The following DNALI1 variants were observed in gnomAD, a reference collection of about 807,000 sequenced individuals.
DNALI1 encodes the protein axonemal dynein light intermediate polypeptide 1.
In DNALI1, 31 loss-of-function variants were observed where a neutral mutation model predicts 33.9. The ratio of observed to expected loss-of-function variants is 0.91; its 90% CI spans 0.69 to 1.23. The LOEUF (loss-of-function observed/expected upper bound fraction) is 1.23, where lower values mean the gene tolerates loss of function less well. Among genes scored for constraint, DNALI1 ranks in the 50% most tolerant of loss-of-function variants. The pLI is 0.00. For synonymous variants in DNALI1, 117 were observed against 129.2 expected, an observed-to-expected ratio of 0.91 and a Z score of 0.64; for missense variants, 305 against 323.8, an observed-to-expected ratio of 0.94 and a Z score of 0.44.
chr1:37,565,205 C>T lies in DNALI1; in HGVS notation c.*144C>T. 3.6e-6 allele frequency: 3 copies of T among 835,068 alleles called. No individual in the cohort carries two copies. Among genetic ancestry groups the T allele is most frequent in the East Asian group, 2.6e-5 (1 of 38,762 alleles). 51.7% of individuals were successfully genotyped at this position (835,068 alleles called of 1,614,324 possible). On this transcript the variant is annotated 3_prime_UTR_variant, in exon 6 of 6. Coordinates refer to ENST00000652629, the MANE Select transcript of DNALI1 (RefSeq NM_003462.5). ...AAGCCATAACCTCCCCTAAACACCACCTAGGTATTTGTTAGAAGTCACACT... is the reference window on the plus strand; with the variant it reads ...AAGCCATAACCTCCCCTAAACACCATCTAGGTATTTGTTAGAAGTCACACT...
chr1:37,562,460 C>T lies in DNALI1; in HGVS notation c.741+215C>T, dbSNP rs1570040451. 1.3e-5 allele frequency among the ~76,000 whole-genome samples: 2 copies of T among 152,204 alleles called. No homozygotes were observed. The highest frequency in any genetic ancestry group is 6.5e-5 in the Admixed American group (1 of 15,296). The stretch of plus-strand genomic sequence containing the variant: ...ATCTCTGAGGCGCCTCAGCCTGGCT[C>T]TCCAGTGGAGGATTCTTCTCCCTGG... On this transcript the variant is annotated intron_variant, in intron 5 of 5. Coordinates refer to ENST00000652629, the MANE Select transcript of DNALI1 (RefSeq NM_003462.5). The surrounding 1 kb of genome is among the most constrained non-coding windows in gnomAD (Gnocchi z 5.8).
Position 37,565,070 on chromosome 1 carries a change from A to G in DNALI1, c.*9A>G, listed in dbSNP as rs373705993. ...TTGCACCAAAGAAGTGATAATTTCC[A>G]CATGATTAATTTCCAACAAGACACT... On this transcript the variant is annotated 3_prime_UTR_variant, in exon 6 of 6. Transcript: ENST00000652629. 269 of 1,614,052 alleles carry G rather than the reference A, an allele frequency of 1.7e-4. No individual in the cohort carries two copies. The highest frequency in any genetic ancestry group is 2.2e-4 in the Non-Finnish European group (261 of 1,180,010).
Position 37,566,746 on chromosome 1 carries a change from C to T in DNALI1, c.*1685C>T. ...AGCACTGGTGAAGGGCTTCAACTGT[C>T]AAACCTCAGAACAAATGCATTAGGG... is the stretch of plus-strand genomic sequence containing the variant. On this transcript the variant is annotated 3_prime_UTR_variant, in exon 6 of 6. Coordinates refer to ENST00000652629, the MANE Select transcript of DNALI1 (RefSeq NM_003462.5). The T allele has an allele frequency of 2.0e-6, 2 of 1,025,590 alleles. No individual in the cohort carries two copies. Among genetic ancestry groups the T allele is most frequent in the Non-Finnish European group, 2.9e-6 (2 of 685,076 alleles). The allele number at this position is 1,025,590 out of a possible 1,614,324, so 63.5% of individuals were successfully genotyped here.
In DNALI1 at chr1:37,562,231, A is replaced by T; in HGVS notation, c.727A>T (p.Asn243Tyr). 1 of 1,613,190 alleles carries T rather than the reference A, an allele frequency of 6.2e-7. No homozygotes were observed. Among genetic ancestry groups the T allele is most frequent in the South Asian group, 1.1e-5 (1 of 90,960 alleles). ...GGAGATTCAGTTCCTGAAGCGAACAAATCAGCAGCTGAAGGTAATCAACGC... is the reference window on the plus strand; with the variant it reads ...GGAGATTCAGTTCCTGAAGCGAACATATCAGCAGCTGAAGGTAATCAACGC... ...NEEIQFLKRT[N>Y]QQLKAQLEGI... The change falls in exon 5 of 6, where the codon AAT (asparagine) becomes TAT (tyrosine). Residue 243 changes from asparagine (N) to tyrosine (Y), a missense_variant. Transcript: ENST00000652629. The surrounding 1 kb of genome is among the most constrained non-coding windows in gnomAD (Gnocchi z 5.8).
chr1:37,558,247 G>C (rs773866433), intron 2 of DNALI1: 1 of 152,176 alleles, frequency 6.6e-6, no homozygotes, highest in Admixed American at 6.6e-5. Context: ...CATTCTTTTG[G>C]CTCCACCTTC....
Position 37,566,678 on chromosome 1 carries a change from C to T in DNALI1, c.*1617C>T. 5 of 609,238 alleles carry T rather than the reference C, an allele frequency of 8.2e-6. No individual in the cohort carries two copies. The highest frequency in any genetic ancestry group is 1.4e-5 in the Non-Finnish European group (5 of 350,240). 37.7% of individuals were successfully genotyped at this position (609,238 alleles called of 1,614,324 possible). On this transcript the variant is annotated 3_prime_UTR_variant, in exon 6 of 6. Transcript: ENST00000652629. ...ACCTGAAGTGCTAGACTTTCAGACT[C>T]TTATCACTGAAATCCTTAAGGTTGA...
Position 37,557,049 on chromosome 1 carries a change from C to T in DNALI1, c.55C>T (p.Arg19Trp), listed in dbSNP as rs369173614. The T allele has an allele frequency of 6.2e-7, 1 of 1,614,054 alleles. No individual in the cohort carries two copies. The highest frequency in any genetic ancestry group is 1.3e-5 in the African/African-American group (1 of 74,908). The change falls in exon 1 of 6, where the codon CGG (arginine) becomes TGG (tryptophan). Residue 19 changes from arginine (R) to tryptophan (W), a missense_variant. Transcript: ENST00000652629. ...LKYDTPVLVSRNTEKRSPKAR... is the reference protein window; with the variant it reads ...LKYDTPVLVSWNTEKRSPKAR... ...GTACGACACCCCAGTGCTGGTGAGC[C>T]GGAACACGGAGAAACGGAGCCCCAA... is the stretch of plus-strand genomic sequence containing the variant.
Position 37,562,011 on chromosome 1 carries a change from C to T in DNALI1, c.577-70C>T, listed in dbSNP as rs1643445382. On this transcript the variant is annotated intron_variant, in intron 4 of 5. Transcript: ENST00000652629. This position sits in a 1 kb window ranked among gnomAD's most constrained non-coding sequence, Gnocchi z 5.8. ...CCTGGCAATGTCATGTCCCATGTCC[C>T]TTCCACCCAGGCTCACACCATTCCA... The T allele has an allele frequency of 2.5e-6, 4 of 1,603,692 alleles. No homozygotes were observed. The highest frequency in any genetic ancestry group is 3.4e-6 in the Non-Finnish European group (4 of 1,174,088).
At chr1:37,557,508 G>A in intron 1 of DNALI1, 95 bp from the exon 2 acceptor site, 1 of 1,483,398 alleles carries the variant, frequency 6.7e-7, no homozygotes. Flanking sequence ...AAGAGGGGAG[G>A]GCTGTGCAGA....
chr1:37,561,745 G>A lies in DNALI1; in HGVS notation c.576+10G>A. Reference sequence around the variant, plus strand: ...AGACATGGAGAGGAAAGTGAGTGGGGTTTACCGTGACCCTTGGTCCCATCT... The same window carrying A: ...AGACATGGAGAGGAAAGTGAGTGGGATTTACCGTGACCCTTGGTCCCATCT... On this transcript the variant is annotated intron_variant, in intron 4 of 5. Coordinates refer to ENST00000652629, the MANE Select transcript of DNALI1 (RefSeq NM_003462.5). This position sits in a 1 kb window ranked among gnomAD's most constrained non-coding sequence, Gnocchi z 4.6. The A allele has an allele frequency of 6.2e-7, 1 of 1,611,994 alleles. No individual in the cohort carries two copies. The highest frequency in any genetic ancestry group is 1.1e-5 in the South Asian group (1 of 90,852).
chr1:37,565,174 G>T lies in DNALI1; in HGVS notation c.*113G>T. On this transcript the variant is annotated 3_prime_UTR_variant, in exon 6 of 6. Transcript: ENST00000652629. ...TTGTAATAAAAAGCTAGTTTCCTGA[G>T]TGAACAAGCCATAACCTCCCCTAAA... The T allele has an allele frequency of 8.1e-7, 1 of 1,240,640 alleles. No individual in the cohort carries two copies. Among genetic ancestry groups the T allele is most frequent in the East Asian group, 2.5e-5 (1 of 39,730 alleles). 76.9% of individuals were successfully genotyped at this position (1,240,640 alleles called of 1,614,324 possible).
chr1:37,557,274 AGGATGGGGAAGGAGGTCACAGGGAGAT>A (rs1302639073), intron 1 of DNALI1, among the ~76,000 whole-genome samples, 199 bp downstream of exon 1: 4 of 152,184 alleles, frequency 2.6e-5, no homozygotes, highest in African/African-American at 9.6e-5. Flanking sequence ...GGGCAGATTT[AGGATGGGGAAGGAGGTCACAGGGAGAT>A]GGATGGGGCT....
chr1:37,560,509 CAT>C (rs1176328138), intron 3 of DNALI1: 3 of 152,340 alleles, frequency 2.0e-5, no homozygotes, highest in East Asian at 1.9e-4. Context: ...CCATACATCA[CAT>C]GTTTCTGTGA....
rs886294507 is a variant in DNALI1 at position 37,562,445 on chromosome 1, C to T, written c.741+200C>T. On this transcript the variant is annotated intron_variant, in intron 5 of 5. Transcript: ENST00000652629. This position sits in a 1 kb window ranked among gnomAD's most constrained non-coding sequence, Gnocchi z 5.8. ...TACTCTCAACTCCAAATCTCTGAGG[C>T]GCCTCAGCCTGGCTCTCCAGTGGAG... Among the ~76,000 whole-genome samples the T allele has an allele frequency of 6.6e-5, 10 of 152,226 alleles. No homozygotes were observed. Among genetic ancestry groups the T allele is most frequent in the Admixed American group, 3.9e-4 (6 of 15,294 alleles).
At position 37,561,691 on chromosome 1, in the gene DNALI1, A is replaced by T; in HGVS notation, c.532A>T (p.Lys178Ter). The T allele has an allele frequency of 6.2e-7, 1 of 1,614,140 alleles. No individual in the cohort carries two copies. Among genetic ancestry groups the T allele is most frequent in the Non-Finnish European group, 8.5e-7 (1 of 1,180,016 alleles). Residue 178 changes from lysine (K) to a stop codon, truncating the protein, a stop_gained, in exon 4 of 6, where the codon AAG becomes TAG. Coordinates refer to ENST00000652629, the MANE Select transcript of DNALI1 (RefSeq NM_003462.5). LOFTEE classifies it high-confidence loss of function. The surrounding 1 kb of genome is among the most constrained non-coding windows in gnomAD (Gnocchi z 4.6). Reference sequence around the variant, plus strand: ...GAGCAGCGTGGCGTTTGGCATGAGGAAGGCACTGCAGGCTGAGCAGGGGAA... The same window carrying T: ...GAGCAGCGTGGCGTTTGGCATGAGGTAGGCACTGCAGGCTGAGCAGGGGAA... ...YESSVAFGMR[K>*]ALQAEQGKSD...
rs552628321 is a variant in DNALI1, at chr1:37,561,880, G to A, written c.576+145G>A. 3.7e-6 allele frequency: 5 copies of A among 1,366,230 alleles called. No individual in the cohort carries two copies. The South Asian group carries it at 7.1e-5, about 19-fold the overall frequency. The allele number at this position is 1,366,230 out of a possible 1,614,324, so 84.6% of individuals were successfully genotyped here. On this transcript the variant is annotated intron_variant, in intron 4 of 5. Coordinates refer to ENST00000652629, the MANE Select transcript of DNALI1 (RefSeq NM_003462.5). The surrounding 1 kb of genome is among the most constrained non-coding windows in gnomAD (Gnocchi z 4.6). ...CTGGACTTGCATCACCTCAGTGAGG[G>A]ACCCCTGGTTGAGTATGATGGCCAG...
At position 37,561,649 on chromosome 1, in the gene DNALI1, T is replaced by C. The variant is rs755415221; in HGVS notation, c.490T>C (p.Tyr164His). The C allele has an allele frequency of 1.9e-6, 3 of 1,613,958 alleles. No individual in the cohort carries two copies. In the Admixed American group the frequency reaches 5.0e-5, roughly 27 times the overall value. Reference sequence around the variant, plus strand: ...CGAGATCCGCATGACCATCGCTGCCTACCAGACCCTGTACGAGAGCAGCGT... The same window carrying C: ...CGAGATCCGCATGACCATCGCTGCCCACCAGACCCTGTACGAGAGCAGCGT... ...RDEIRMTIAAYQTLYESSVAF... is the reference protein window; with the variant it reads ...RDEIRMTIAAHQTLYESSVAF... The change falls in exon 4 of 6, where the codon TAC (tyrosine) becomes CAC (histidine). Residue 164 changes from tyrosine to histidine, a missense_variant. Physicochemically the swap from Tyr to His is moderately conservative, Grantham distance 83 (BLOSUM62 2). Transcript: ENST00000652629. The surrounding 1 kb of genome is among the most constrained non-coding windows in gnomAD (Gnocchi z 4.6).
chr1:37,558,190 T>C (rs1453812797), intron 2 of DNALI1: 2 of 160,370 alleles, frequency 1.2e-5, no homozygotes, highest in Non-Finnish European at 2.7e-5. Context: ...CAAACCACCT[T>C]TCATTCCTTT....
In DNALI1 at chr1:37,561,716, A is replaced by T. The variant is rs146521352; in HGVS notation, c.557A>T (p.Lys186Met). The change falls in exon 4 of 6, where the codon AAG becomes ATG. Residue 186 changes from lysine to methionine, a missense_variant. Transcript: ENST00000652629. This position sits in a 1 kb window ranked among gnomAD's most constrained non-coding sequence, Gnocchi z 4.6. ...AAGGCACTGCAGGCTGAGCAGGGGA[A>T]GTCAGACATGGAGAGGAAAGTGAGT... ...MRKALQAEQG[K>M]SDMERKIAEL... is the part of the protein sequence containing the mutation. 233 of 1,613,980 alleles carry T rather than the reference A, an allele frequency of 1.4e-4. 1 individual carries two copies. In the African/African-American group the frequency reaches 2.7e-3, roughly 19 times the overall value.
Sources: allele counts gnomAD v4.1 joint callset (sites outside exome capture counted in the v4.1 genomes callset), GRCh38; gene constraint gnomAD v4.1.1; non-coding constraint Gnocchi (gnomAD v3.1); transcripts MANE v1.5; gene names NCBI Gene and HGNC (gene_info 2026-07-23, HGNC 2026-07-21).